LPP: variants seen among roughly 807,000 people sequenced by gnomAD.
The protein encoded by LPP is lipoma-preferred partner.
A neutral mutation model predicts 60.4 loss-of-function variants in LPP; 38 were observed. The ratio of observed to expected loss-of-function variants is 0.63; its 90% CI spans 0.49 to 0.83. LPP has a LOEUF of 0.83. Among genes scored for constraint, LPP ranks in the 40% least tolerant of loss-of-function variants. The probability of loss-of-function intolerance (pLI) is 0.00; values close to 1 mark genes in which losing one functional copy is unlikely to be tolerated. For missense variants in LPP, 902 were observed against 783.6 expected (o/e 1.15, Z -1.80); for synonymous variants, 328 against 290.8 (o/e 1.13, Z -1.30).
rs760235825 is a variant in LPP at position 188,524,699 on chromosome 3, G to A, written c.341G>A (p.Arg114His). The change falls in exon 6 of 12, where the codon CGC becomes CAC. Residue 114 changes from arginine to histidine, a missense_variant. Transcript: ENST00000617246. ...NPGGKTLEER[R>H]SSLDAEIDSL... ...GGAGGCAAGACACTTGAGGAGAGGC[G>A]CTCCAGCCTGGACGCTGAGATTGAC... 3.7e-6 allele frequency: 6 copies of A among 1,613,818 alleles called. No homozygotes were observed. The Admixed American group carries it at 6.7e-5, about 18-fold the overall frequency.
intron 4 of LPP, among the ~76,000 whole-genome samples, chr3:188,419,048 G>T (rs1313878653): frequency 6.6e-6 from 1 of 152,082 alleles, no homozygotes; most frequent in Non-Finnish European, 1.5e-5. Flanking sequence ...TACCTCCTGG[G>T]AAAGAAATCT....
chr3:188,239,654 C>G (rs982974695), intron 2 of LPP, among the ~76,000 whole-genome samples: 1 of 152,060 alleles, frequency 6.6e-6, no homozygotes, highest in Non-Finnish European at 1.5e-5. Flanking sequence ...GCCCATTGTT[C>G]AAAGAAAGGC....
chr3:188,890,012 C>T lies in LPP; in HGVS notation c.*15533C>T, dbSNP rs756182561. The T allele has an allele frequency of 1.9e-5, 4 of 212,352 alleles. No homozygotes were observed. The highest frequency in any genetic ancestry group is 2.8e-5 in the Non-Finnish European group (3 of 105,276). 13.2% of individuals were successfully genotyped at this position (212,352 alleles called of 1,614,324 possible). On this transcript the variant is annotated 3_prime_UTR_variant, in exon 12 of 12. Transcript: ENST00000617246. ...TTTTTTTTCCTTGGAAACAAATGGA[C>T]TGGGAAGAAACACAGCATGGCTTTG...
chr3:188,730,640 C>CT (rs1357245347), intron 8 of LPP, among the ~76,000 whole-genome samples: 1 of 152,172 alleles, frequency 6.6e-6, no homozygotes, highest in Non-Finnish European at 1.5e-5. Flanking sequence ...ATTTTATCAA[C>CT]TAAAAGGGGT....
At chr3:188,421,592 G>C (rs1333251086) in intron 4 of LPP, among the ~76,000 whole-genome samples, 1 of 152,204 alleles carries the variant, frequency 6.6e-6, no homozygotes, top group Non-Finnish European at 1.5e-5. Flanking sequence ...AAGCTACTGG[G>C]TTATATAATG....
chr3:188,220,374 C>A (rs1715330366), intron 1 of LPP, among the ~76,000 whole-genome samples: 1 of 152,106 alleles, frequency 6.6e-6, no homozygotes, highest in Non-Finnish European at 1.5e-5. Context: ...TCTTATCTCT[C>A]CTTCTAGACT....
intron 5 of LPP, among the ~76,000 whole-genome samples, chr3:188,519,012 C>T (rs1037561663): frequency 6.6e-5 from 10 of 152,024 alleles, no homozygotes; most frequent in East Asian, 1.9e-4. Context: ...ATTTTCATCC[C>T]GTTTCACAAT....
intron 4 of LPP, among the ~76,000 whole-genome samples, chr3:188,432,688 G>A (rs990978681): frequency 1.3e-5 from 2 of 152,080 alleles, no homozygotes; most frequent in Non-Finnish European, 1.5e-5. Flanking sequence ...ACCCAGGGAT[G>A]ATATGCTAGA....
intron 1 of LPP, among the ~76,000 whole-genome samples, chr3:188,155,531 C>T (rs78227610): frequency 2.6e-5 from 4 of 152,164 alleles, no homozygotes; most frequent in Non-Finnish European, 5.9e-5. Flanking sequence ...CCTCTCCCAT[C>T]CTCCCCCTTC....
At chr3:188,364,292 C>T (rs1343765285) in intron 3 of LPP, among the ~76,000 whole-genome samples, 7 of 152,184 alleles carry the variant, frequency 4.6e-5, no homozygotes, top group Non-Finnish European at 1.0e-4. Flanking sequence ...TGCTTAACTT[C>T]TGCCCTGGAA....
chr3:188,560,604 A>G (rs557679426), intron 6 of LPP, among the ~76,000 whole-genome samples: 2 of 152,226 alleles, frequency 1.3e-5, no homozygotes, highest in East Asian at 1.9e-4. Flanking sequence ...CTCTCCAGAG[A>G]TACATAGATT....
At chr3:188,804,141 C>T (rs4642112) in intron 9 of LPP, among the ~76,000 whole-genome samples, 96,120 of 146,306 alleles carry the variant, frequency 0.66, 31,802 homozygotes, top group East Asian at 0.85. Flanking sequence ...GTATATTGCC[C>T]ATGTGTGCTG....
chr3:188,876,496 A>C lies in LPP; in HGVS notation c.*2017A>C. ...GAGATTCACTTAGGGGCAGCATGTT[A>C]GTTTTGGGAGGCAATGTCAACTGTG... is the stretch of plus-strand genomic sequence containing the variant. On this transcript the variant is annotated 3_prime_UTR_variant, in exon 12 of 12. Transcript: ENST00000617246. 4.9e-6 allele frequency: 1 copy of C among 202,736 alleles called. No homozygotes were observed. 12.6% of individuals were successfully genotyped at this position (202,736 alleles called of 1,614,324 possible). A position where few individuals can be genotyped will look rare whatever the true frequency, so the allele number is the denominator to read the frequency against.
At chr3:188,248,982 C>T (rs1728103890) in intron 2 of LPP, among the ~76,000 whole-genome samples, 1 of 152,140 alleles carries the variant, frequency 6.6e-6, no homozygotes, top group South Asian at 2.1e-4. Context: ...ACCTACAAAA[C>T]TTGTAACTGT....
At chr3:188,229,178 A>G (rs1718928192) in intron 2 of LPP, among the ~76,000 whole-genome samples, 1 of 152,170 alleles carries the variant, frequency 6.6e-6, no homozygotes, top group Admixed American at 6.5e-5. Flanking sequence ...CTGAGACAGG[A>G]GGTGGAGGGT....
chr3:188,818,672 A>T (rs2151419548), intron 9 of LPP, among the ~76,000 whole-genome samples: 1 of 152,314 alleles, frequency 6.6e-6, no homozygotes, highest in Admixed American at 6.5e-5. Context: ...CTACTGCCCC[A>T]GGTTTGTATC....
At chr3:188,199,754 A>C (rs889236818) in intron 1 of LPP, among the ~76,000 whole-genome samples, 1 of 150,348 alleles carries the variant, frequency 6.7e-6, no homozygotes, top group African/African-American at 2.4e-5. Context: ...CCTGTTGCCT[A>C]CCTAGGCTGG....
chr3:188,522,467 G>T (rs150537599), intron 5 of LPP, among the ~76,000 whole-genome samples: 2 of 152,158 alleles, frequency 1.3e-5, no homozygotes, highest in East Asian at 1.9e-4. Flanking sequence ...CTATGAGAAA[G>T]GTTACTGCCT....
At chr3:188,582,154 CTTTTTTTTTTT>C (rs10565240) in intron 6 of LPP, among the ~76,000 whole-genome samples, 27 of 102,250 alleles carry the variant, frequency 2.6e-4, no homozygotes, top group South Asian at 6.8e-4. Context: ...TTTTCTTTTT[CTTTTTTTTTTT>C]TTTTTTTTTT....
Sources: allele counts gnomAD v4.1 joint callset (sites outside exome capture counted in the v4.1 genomes callset), GRCh38; gene constraint gnomAD v4.1.1; transcripts MANE v1.5; gene names NCBI Gene and HGNC (gene_info 2026-07-23, HGNC 2026-07-21).